ANXA4: variants seen among roughly 807,000 people sequenced by gnomAD.
The protein encoded by ANXA4 is annexin A4.
ANXA4 carries 39 observed loss-of-function variants against 49.8 expected under a neutral mutation model. That is an observed-to-expected ratio of 0.78 (90% confidence interval 0.61 to 1.02). ANXA4 has a LOEUF of 1.02. Among genes scored for constraint, ANXA4 ranks in the 50% least tolerant of loss-of-function variants. The pLI is 0.00. For missense variants in ANXA4, 360 were observed against 410.1 expected, an observed-to-expected ratio of 0.88 and a Z score of 1.05; for synonymous variants, 134 against 152.5, an observed-to-expected ratio of 0.88 and a Z score of 0.89.
intron 2 of ANXA4, among the ~76,000 whole-genome samples, chr2:69,685,019 T>A (rs922721338): frequency 6.6e-6 from 1 of 152,140 alleles, no homozygotes; most frequent in Non-Finnish European, 1.5e-5. Context: ...CCAACAATCG[T>A]CAGGGATATT....
chr2:69,739,588 T>A (rs1427038352), upstream of ANXA4, among the ~76,000 whole-genome samples: 2 of 150,610 alleles, frequency 1.3e-5, no homozygotes, highest in Non-Finnish European at 3.0e-5. Flanking sequence ...TTTTTTTTTT[T>A]AAAGAGACAC....
intron 2 of ANXA4, among the ~76,000 whole-genome samples, chr2:69,694,743 G>A (rs1678103704): frequency 6.6e-6 from 1 of 151,906 alleles, no homozygotes; most frequent in East Asian, 1.9e-4. Context: ...TAAGACACCA[G>A]TCATTCTGGG....
At chr2:69,712,626 G>A (rs1300857968) in intron 2 of ANXA4, among the ~76,000 whole-genome samples, 2 of 152,130 alleles carry the variant, frequency 1.3e-5, no homozygotes, top group Admixed American at 6.5e-5. Context: ...ATTCACAAAA[G>A]ATAATGAGGT....
At position 69,753,075 on chromosome 2, in the gene ANXA4, C is replaced by G. The variant is rs549826459; in HGVS notation, c.-47+10900C>G. On this transcript the variant is annotated intron_variant, in intron 1 of 12. Coordinates refer to ENST00000394295, the MANE Select transcript of ANXA4 (RefSeq NM_001153.5). ...GTCCATCTTCCCCTACCCTGCAATT[C>G]GTAATAGTTCTCACATGCCGCTTTG... Among the ~76,000 whole-genome samples, 9 of 152,288 alleles carry G rather than the reference C, an allele frequency of 5.9e-5. No individual in the cohort carries two copies. The South Asian group carries it at 1.9e-3, about 32-fold the overall frequency.
intron 3 of ANXA4, among the ~76,000 whole-genome samples, chr2:69,734,505 C>T (rs772129754): frequency 1.3e-5 from 2 of 152,162 alleles, no homozygotes; most frequent in South Asian, 2.1e-4. Context: ...ATAGCAATAA[C>T]GTGGACCTGA....
chr2:69,799,266 C>A (rs1324795346), intron 3 of ANXA4, among the ~76,000 whole-genome samples: 1 of 152,126 alleles, frequency 6.6e-6, no homozygotes, highest in Non-Finnish European at 1.5e-5. Context: ...CAGGCATCCG[C>A]CCCATGAGTC....
intron 10 of ANXA4, among the ~76,000 whole-genome samples, 168 bp downstream of exon 10, chr2:69,818,862 T>A (rs546750007): frequency 6.6e-6 from 1 of 152,362 alleles, no homozygotes; most frequent in East Asian, 1.9e-4. Flanking sequence ...TACAACCTGA[T>A]TGCTATTGTG....
chr2:69,820,871 C>A, intron 12 of ANXA4, 50 bp downstream of exon 12: 1 of 1,574,852 alleles, frequency 6.3e-7, no homozygotes, highest in Non-Finnish European at 8.6e-7. Context: ...AAAAGGACCC[C>A]TCTGACCTTG....
chr2:69,789,241 G>C (rs181381706), intron 3 of ANXA4, among the ~76,000 whole-genome samples: 19 of 152,268 alleles, frequency 1.2e-4, no homozygotes, highest in African/African-American at 4.3e-4. Context: ...TTACAGATGT[G>C]AAACTGAGAC....
At chr2:69,814,225 G>C (rs1447230631) in intron 8 of ANXA4, among the ~76,000 whole-genome samples, 3 of 152,008 alleles carry the variant, frequency 2.0e-5, no homozygotes, top group Non-Finnish European at 1.5e-5. Flanking sequence ...ACGGCAGCTG[G>C]GTTTCAAGAA....
At chr2:69,687,891 A>T (rs1677844293) in intron 2 of ANXA4, among the ~76,000 whole-genome samples, 1 of 152,244 alleles carries the variant, frequency 6.6e-6, no homozygotes, top group Non-Finnish European at 1.5e-5. Context: ...GCCTGAACAT[A>T]TCATTGAGTC....
At chr2:69,771,472 C>T (rs1671713812) in intron 1 of ANXA4, among the ~76,000 whole-genome samples, 1 of 152,200 alleles carries the variant, frequency 6.6e-6, no homozygotes, top group Non-Finnish European at 1.5e-5. Context: ...AATGAGTTTG[C>T]ATATCTTTGT....
chr2:69,661,018 G>T (rs4337497), intron 2 of ANXA4, among the ~76,000 whole-genome samples: 10,815 of 151,884 alleles, frequency 0.071, 1,134 homozygotes, highest in East Asian at 0.37. Context: ...ACATACAGAC[G>T]GACTTAAGAA....
intron 2 of ANXA4, among the ~76,000 whole-genome samples, chr2:69,704,296 A>G (rs1260234876): frequency 6.6e-5 from 10 of 152,166 alleles, no homozygotes; most frequent in African/African-American, 2.4e-4. Flanking sequence ...CTAACGAGCC[A>G]TTTTGTACAG....
At chr2:69,673,821 T>C (rs1009757484) in intron 2 of ANXA4, among the ~76,000 whole-genome samples, 11 of 151,886 alleles carry the variant, frequency 7.2e-5, no homozygotes, top group Non-Finnish European at 1.2e-4. Context: ...CCTAGCCCAG[T>C]GCCAAACAGG....
intron 2 of ANXA4, among the ~76,000 whole-genome samples, chr2:69,715,298 C>T (rs146776166): frequency 2.6e-5 from 4 of 152,288 alleles, no homozygotes; most frequent in African/African-American, 4.8e-5. Context: ...CAACCTCCCC[C>T]TCCTGGGTTC....
intron 1 of ANXA4, among the ~76,000 whole-genome samples, chr2:69,645,490 C>G (rs1046343852): frequency 5.9e-5 from 9 of 152,230 alleles, no homozygotes; most frequent in Non-Finnish European, 1.0e-4. Flanking sequence ...CCCCATTTCT[C>G]TCAGCACTTA....
chr2:69,716,669 G>T (rs747602232), intron 2 of ANXA4, among the ~76,000 whole-genome samples: 16 of 152,118 alleles, frequency 1.1e-4, no homozygotes, highest in Non-Finnish European at 2.1e-4. Flanking sequence ...ACAACAGGAG[G>T]GCAGCGGATT....
At chr2:69,684,688 A>G (rs1677719706) in intron 2 of ANXA4, among the ~76,000 whole-genome samples, 3 of 149,032 alleles carry the variant, frequency 2.0e-5, no homozygotes, top group Non-Finnish European at 4.5e-5. Context: ...ACTGTCTCAA[A>G]AAAAAAAAAA....
Sources: allele counts gnomAD v4.1 joint callset (sites outside exome capture counted in the v4.1 genomes callset), GRCh38; gene constraint gnomAD v4.1.1; transcripts MANE v1.5; gene names NCBI Gene and HGNC (gene_info 2026-07-23, HGNC 2026-07-21).